FRMD6: variants seen among roughly 807,000 people sequenced by gnomAD.
The protein encoded by FRMD6 is FERM domain containing 6, also known as FERM domain-containing protein 6.
A neutral mutation model predicts 73.2 loss-of-function variants in FRMD6; 37 were observed. The ratio of observed to expected loss-of-function variants is 0.51; its 90% CI spans 0.39 to 0.66. The LOEUF (loss-of-function observed/expected upper bound fraction) is 0.66. Among genes scored for constraint, FRMD6 ranks in the 30% least tolerant of loss-of-function variants. FRMD6 has a pLI of 0.00. For synonymous variants in FRMD6, 273 were observed against 282.2 expected, an observed-to-expected ratio of 0.97 and a Z score of 0.33; for missense variants, 714 against 780.5, an observed-to-expected ratio of 0.91 and a Z score of 1.02.
At chr14:51,474,658 G>C in the FRMD6 span, among the ~76,000 whole-genome samples, 1 of 152,196 alleles carries the variant, frequency 6.6e-6, no homozygotes, top group Non-Finnish European at 1.5e-5. Flanking sequence ...GAGTGGGCCA[G>C]CCCACACTGG....
intron 1 of FRMD6, among the ~76,000 whole-genome samples, chr14:51,537,148 C>T (rs1316385024): frequency 1.3e-5 from 2 of 152,202 alleles, no homozygotes; most frequent in African/African-American, 4.8e-5. Context: ...AATAGTTTTA[C>T]TTTCCTCAAA....
intron 1 of FRMD6, among the ~76,000 whole-genome samples, chr14:51,542,042 T>C (rs116967080): frequency 1.3e-5 from 2 of 152,136 alleles, no homozygotes; most frequent in East Asian, 3.9e-4. Flanking sequence ...GTTACTGTGG[T>C]ACTTATTAAA....
At chr14:51,705,570 C>CTCA (rs1896577798) in intron 6 of FRMD6, among the ~76,000 whole-genome samples, 1 of 152,194 alleles carries the variant, frequency 6.6e-6, no homozygotes, top group South Asian at 2.1e-4. Flanking sequence ...ATGTTTGGTT[C>CTCA]TCACCCACCC....
At chr14:51,687,702 A>G (rs1186115862) in intron 1 of FRMD6, among the ~76,000 whole-genome samples, 1 of 152,196 alleles carries the variant, frequency 6.6e-6, no homozygotes, top group Non-Finnish European at 1.5e-5. Flanking sequence ...AAACCTATTT[A>G]TCCCTGTACC....
intron 1 of FRMD6, among the ~76,000 whole-genome samples, chr14:51,492,357 T>C (rs1293947746): frequency 2.0e-5 from 3 of 152,116 alleles, no homozygotes; most frequent in Admixed American, 1.3e-4. Flanking sequence ...CTGTCACAAC[T>C]CTAACCTGTT....
At chr14:51,599,058 C>CTTTTTTTTTTTTTTTTTTTTTTTTTTTTT (rs59151771) in intron 2 of FRMD6, among the ~76,000 whole-genome samples, 3 of 72,824 alleles carry the variant, frequency 4.1e-5, no homozygotes, top group Non-Finnish European at 5.0e-5. Context: ...CAGTATCTGT[C>CTTTTTTTTTTTTTTTTTTTTTTTTTTTTT]TTTTTTTTTT....
intron 2 of FRMD6, among the ~76,000 whole-genome samples, chr14:51,693,420 C>T (rs894088635): frequency 2.0e-5 from 3 of 152,076 alleles, no homozygotes; most frequent in Non-Finnish European, 2.9e-5. Context: ...TCATATATCA[C>T]GATTAAGGTG....
chr14:51,571,592 T>C (rs905390271), intron 2 of FRMD6, among the ~76,000 whole-genome samples: 1 of 152,202 alleles, frequency 6.6e-6, no homozygotes, highest in Non-Finnish European at 1.5e-5. Flanking sequence ...CTTAAATGAT[T>C]GGTAAATGTG....
At chr14:51,586,178 G>A (rs545667787) in intron 2 of FRMD6, among the ~76,000 whole-genome samples, 2 of 151,704 alleles carry the variant, frequency 1.3e-5, no homozygotes, top group Non-Finnish European at 2.9e-5. Context: ...TACAAAGGTT[G>A]TACTAATTTA....
At chr14:51,711,637 C>G (rs201798545) in intron 8 of FRMD6, 41 bp downstream of exon 8, 2 of 1,403,660 alleles carry the variant, frequency 1.4e-6, no homozygotes. Flanking sequence ...TCAGCCATGT[C>G]TTCTGTTTAC....
intron 9 of FRMD6, among the ~76,000 whole-genome samples, 195 bp downstream of exon 9, chr14:51,712,746 T>A (rs1897013806): frequency 6.6e-6 from 1 of 152,220 alleles, no homozygotes; most frequent in Non-Finnish European, 1.5e-5. Flanking sequence ...GTCACACATA[T>A]CAGTAGTGAA....
At chr14:51,519,133 G>A (rs750902253) in intron 1 of FRMD6, among the ~76,000 whole-genome samples, 7 of 151,862 alleles carry the variant, frequency 4.6e-5, no homozygotes, top group African/African-American at 9.7e-5. Context: ...GATGTTGTAC[G>A]TTTTCCCAAA....
intron 1 of FRMD6, among the ~76,000 whole-genome samples, chr14:51,535,216 C>T (rs1885812182): frequency 6.6e-6 from 1 of 152,186 alleles, no homozygotes; most frequent in Non-Finnish European, 1.5e-5. Context: ...AATTTACACA[C>T]ATAAAATTTG....
At chr14:51,692,463 C>T (rs980971218) in intron 2 of FRMD6, among the ~76,000 whole-genome samples, 4 of 112,980 alleles carry the variant, frequency 3.5e-5, no homozygotes, top group Admixed American at 3.1e-4. Context: ...TGTCTTTTTA[C>T]GTGGTGCAAT....
the FRMD6 span, among the ~76,000 whole-genome samples, chr14:51,452,135 C>A: frequency 1.3e-5 from 2 of 152,048 alleles, no homozygotes; most frequent in Non-Finnish European, 2.9e-5. Flanking sequence ...GCTAGGGTAG[C>A]AAAACTGGCA....
At position 51,687,632 on chromosome 14, in the gene FRMD6, C is replaced by G. The variant is rs141623833; in HGVS notation, c.-146-2059C>G. ...ATAAGAAGTTGCCTGCAACACTTCT[C>G]AGAGCCTTTAACACTTTCTGATTTC... On this transcript the variant is annotated intron_variant, in intron 1 of 13. Transcript: ENST00000344768. Among the ~76,000 whole-genome samples the G allele has an allele frequency of 3.5e-3, 540 of 152,228 alleles. 4 individuals carry two copies. The highest frequency in any genetic ancestry group is 0.013 in the African/African-American group (528 of 41,522).
At chr14:51,616,151 G>C (rs186178229) in intron 2 of FRMD6, among the ~76,000 whole-genome samples, 1 of 152,146 alleles carries the variant, frequency 6.6e-6, no homozygotes, top group Non-Finnish European at 1.5e-5. Context: ...TGAGAGGATA[G>C]GAAGTTGAGA....
intron 1 of FRMD6, among the ~76,000 whole-genome samples, chr14:51,511,542 T>C (rs910771708): frequency 1.3e-5 from 2 of 152,200 alleles, no homozygotes; most frequent in Non-Finnish European, 2.9e-5. Context: ...GGGAGCTCTA[T>C]TATGTCACCA....
intron 1 of FRMD6, among the ~76,000 whole-genome samples, chr14:51,539,812 T>C (rs1034378943): frequency 1.3e-5 from 2 of 152,146 alleles, no homozygotes; most frequent in African/African-American, 4.8e-5. Flanking sequence ...TTCTTACCTT[T>C]CCTGAGGTAC....
Sources: allele counts gnomAD v4.1 joint callset (sites outside exome capture counted in the v4.1 genomes callset), GRCh38; gene constraint gnomAD v4.1.1; transcripts MANE v1.5; gene names NCBI Gene and HGNC (gene_info 2026-07-23, HGNC 2026-07-21).